Variants in WDFY4 observed in about 807,000 individuals in gnomAD.
The protein encoded by WDFY4 is WD repeat- and FYVE domain-containing protein 4.
In WDFY4, 169 loss-of-function variants were observed where a neutral mutation model predicts 351.9. The ratio of observed to expected loss-of-function variants is 0.48; its 90% CI spans 0.42 to 0.55. WDFY4 has a LOEUF of 0.55. WDFY4 is among the 20% of genes least tolerant of loss of function. WDFY4 has a pLI of 0.00. For missense variants in WDFY4, 3,803 were observed against 3,935.6 expected, an observed-to-expected ratio of 0.97 and a Z score of 0.90; for synonymous variants, 1,622 against 1,574.6, an observed-to-expected ratio of 1.03 and a Z score of -0.71.
At chr10:48,713,190 G>A (rs938224306) in intron 2 of WDFY4, among the ~76,000 whole-genome samples, 2 of 152,174 alleles carry the variant, frequency 1.3e-5, no homozygotes, top group African/African-American at 4.8e-5. Flanking sequence ...TGTTGTAGTT[G>A]GGGCTGGGTG....
chr10:48,933,651 G>A (rs1341639738), intron 47 of WDFY4, among the ~76,000 whole-genome samples: 1 of 152,106 alleles, frequency 6.6e-6, no homozygotes, highest in Non-Finnish European at 1.5e-5. Flanking sequence ...CAGTTCTAGG[G>A]GCTGAGATGA....
At chr10:48,876,142 A>G (rs1564439927) in intron 42 of WDFY4, among the ~76,000 whole-genome samples, 1 of 152,218 alleles carries the variant, frequency 6.6e-6, no homozygotes, top group Non-Finnish European at 1.5e-5. Context: ...GCTCAGCCAA[A>G]GGAGAAAAAA....
intron 59 of WDFY4, among the ~76,000 whole-genome samples, chr10:48,977,591 T>TGGTGGGGTGTGGCCCACATC (rs1398257474): frequency 6.6e-6 from 1 of 152,212 alleles, no homozygotes; most frequent in Non-Finnish European, 1.5e-5. Flanking sequence ...GGCCTGGGCT[T>TGGTGGGGTGTGGCCCACATC]GGTGGGGTGT....
At chr10:48,697,803 T>A (rs958836971) in intron 1 of WDFY4, among the ~76,000 whole-genome samples, 3 of 152,174 alleles carry the variant, frequency 2.0e-5, no homozygotes, top group Non-Finnish European at 4.4e-5. Flanking sequence ...GTCTCCCCAT[T>A]ACCCAGAATG....
intron 39 of WDFY4, among the ~76,000 whole-genome samples, chr10:48,837,733 G>A (rs1027907777): frequency 6.6e-6 from 1 of 152,158 alleles, no homozygotes; most frequent in Non-Finnish European, 1.5e-5. Flanking sequence ...GGGGTTGAGA[G>A]TACAAGGTGA....
chr10:48,754,592 GTTATA>G (rs772323438), intron 12 of WDFY4, among the ~76,000 whole-genome samples: 21 of 151,082 alleles, frequency 1.4e-4, no homozygotes, highest in South Asian at 4.2e-4. Flanking sequence ...ATATTAATAT[GTTATA>G]TTATACACAA....
intron 21 of WDFY4, among the ~76,000 whole-genome samples, chr10:48,789,179 C>T (rs1589614631): frequency 6.6e-6 from 1 of 151,866 alleles, no homozygotes; most frequent in East Asian, 1.9e-4. Context: ...CCCAATATTG[C>T]TGTGATTAAA....
intron 39 of WDFY4, among the ~76,000 whole-genome samples, chr10:48,836,814 G>T (rs577662611): frequency 6.6e-6 from 1 of 152,270 alleles, no homozygotes; most frequent in African/African-American, 2.4e-5. Flanking sequence ...CCACCAAAGG[G>T]CAACTCAGGG....
At chr10:48,781,493 A>T (rs2066224067) in intron 19 of WDFY4, among the ~76,000 whole-genome samples, 1 of 152,002 alleles carries the variant, frequency 6.6e-6, no homozygotes, top group Non-Finnish European at 1.5e-5. Flanking sequence ...ACGGGGTTTC[A>T]CCAGGCTGGC....
intron 5 of WDFY4, among the ~76,000 whole-genome samples, chr10:48,725,673 C>T (rs986075489): frequency 5.3e-5 from 8 of 152,138 alleles, no homozygotes; most frequent in African/African-American, 9.7e-5. Context: ...AGGGTTAATG[C>T]GGTCAGAATT....
chr10:48,891,089 C>G (rs1038969460), intron 44 of WDFY4, among the ~76,000 whole-genome samples: 3 of 152,264 alleles, frequency 2.0e-5, no homozygotes, highest in African/African-American at 7.2e-5. Flanking sequence ...CACCGCCCCT[C>G]TCTTCCGAGG....
chr10:48,942,561 A>G lies in WDFY4; in HGVS notation c.7629+713A>G, dbSNP rs141090509. Among the ~76,000 whole-genome samples, 49 of 152,360 alleles carry G rather than the reference A, an allele frequency of 3.2e-4. No individual in the cohort carries two copies. In the East Asian group the frequency reaches 8.7e-3, roughly 27 times the overall value. The stretch of plus-strand genomic sequence containing the variant: ...TGGCTCCCAGCCTGGACAAGTTGAC[A>G]TTCAGCCCAGGGTTCTCAAAGAAAG... On this transcript the variant is annotated intron_variant, in intron 48 of 61. Transcript: ENST00000325239.
chr10:48,814,021 C>T lies in WDFY4; in HGVS notation c.5279C>T (p.Ala1760Val), dbSNP rs2067539254. ...QRHHQEEVLQAGLCTEGALLL... is the reference protein window; with the variant it reads ...QRHHQEEVLQVGLCTEGALLL... ...CACCACCAGGAAGAAGTCCTCCAGG[C>T]TGGGCTGTGCACAGAAGGTGCCTTG... Residue 1760 changes from alanine to valine, a missense_variant, in exon 31 of 62, where the codon GCT (alanine) becomes GTT (valine). By Grantham distance (64) the Ala-to-Val change is moderately conservative. Coordinates refer to ENST00000325239, the MANE Select transcript of WDFY4 (RefSeq NM_001394531.1). 9 of 1,550,950 alleles carry T rather than the reference C, an allele frequency of 5.8e-6. No individual in the cohort carries two copies. Among genetic ancestry groups the T allele is most frequent in the Non-Finnish European group, 7.8e-6 (9 of 1,146,520 alleles).
chr10:48,737,731 A>G (rs2064718759), intron 11 of WDFY4, among the ~76,000 whole-genome samples: 1 of 152,244 alleles, frequency 6.6e-6, no homozygotes, highest in Non-Finnish European at 1.5e-5. Flanking sequence ...TTTGAAAGAC[A>G]CTTGAATCCC....
intron 24 of WDFY4, chr10:48,801,628 T>C (rs2067093229): frequency 2.6e-6 from 1 of 387,688 alleles, no homozygotes. Context: ...TGGCTGTGCT[T>C]AAAAAAGCAG....
At chr10:48,951,255 T>A (rs971573542) in intron 51 of WDFY4, among the ~76,000 whole-genome samples, 1 of 152,300 alleles carries the variant, frequency 6.6e-6, no homozygotes. Flanking sequence ...TATATATATG[T>A]ACTGTGTGAT....
intron 47 of WDFY4, among the ~76,000 whole-genome samples, chr10:48,928,740 C>G (rs1043373453): frequency 6.6e-6 from 1 of 152,212 alleles, no homozygotes; most frequent in Non-Finnish European, 1.5e-5. Flanking sequence ...TGCCGCAGGA[C>G]AGCTCGCAGC....
At chr10:48,896,515 C>T (rs542483721) in intron 44 of WDFY4, among the ~76,000 whole-genome samples, 117 of 152,334 alleles carry the variant, frequency 7.7e-4, no homozygotes, top group African/African-American at 2.6e-3. Context: ...GAGAGCCTCA[C>T]TCACCTCTGA....
intron 25 of WDFY4, among the ~76,000 whole-genome samples, chr10:48,803,597 G>C (rs538698326): frequency 6.6e-6 from 1 of 152,150 alleles, no homozygotes; most frequent in Admixed American, 6.5e-5. Context: ...AGCACATACT[G>C]GGGGCTCAGC....
Sources: allele counts gnomAD v4.1 joint callset (sites outside exome capture counted in the v4.1 genomes callset), GRCh38; gene constraint gnomAD v4.1.1; transcripts MANE v1.5; gene names NCBI Gene and HGNC (gene_info 2026-07-23, HGNC 2026-07-21).